Variants in ZBTB44 observed in about 807,000 individuals in gnomAD.
ZBTB44 encodes zinc finger and BTB domain containing 44.
A neutral mutation model predicts 54.0 loss-of-function variants in ZBTB44; 15 were observed. That is an observed-to-expected ratio of 0.28 (90% CI 0.19 to 0.43). The LOEUF (loss-of-function observed/expected upper bound fraction) is 0.43. ZBTB44 is among the 20% of genes least tolerant of loss of function. ZBTB44 has a pLI of 1.00. For synonymous variants in ZBTB44, 230 were observed against 250.1 expected (o/e 0.92, Z 0.76); for missense variants, 487 against 707.1 (o/e 0.69, Z 3.53).
intron 1 of ZBTB44, among the ~76,000 whole-genome samples, chr11:130,263,023 T>C (rs1938992225): frequency 6.6e-6 from 1 of 152,236 alleles, no homozygotes; most frequent in Non-Finnish European, 1.5e-5. Context: ...ACTGCACCAC[T>C]GCACTCCACC....
At chr11:130,313,433 G>C (rs537332209) in intron 1 of ZBTB44, among the ~76,000 whole-genome samples, 2 of 152,268 alleles carry the variant, frequency 1.3e-5, no homozygotes, top group East Asian at 3.9e-4. Flanking sequence ...TCTATGATAA[G>C]GGGAAACTAC....
chr11:130,276,002 G>A (rs58500161), intron 1 of ZBTB44, among the ~76,000 whole-genome samples: 42 of 151,298 alleles, frequency 2.8e-4, no homozygotes, highest in African/African-American at 9.6e-4. Flanking sequence ...CAAAGCGGGT[G>A]ATCACCTGAG....
Position 130,238,367 on chromosome 11 carries a change from T to A in ZBTB44, c.1267+77A>T, listed in dbSNP as rs1235720664. 3 of 1,412,344 alleles carry A rather than the reference T, an allele frequency of 2.1e-6. No homozygotes were observed. In the African/African-American group the frequency reaches 4.4e-5, roughly 21 times the overall value. 87.5% of individuals were successfully genotyped at this position (1,412,344 alleles called of 1,614,324 possible). A position where few individuals can be genotyped will look rare whatever the true frequency, so the allele number is the denominator to read the frequency against. ...TTTTTTAAAACTCAGAAGCCCCTGT[T>A]TTCTATTTTAACTGGGACTGCAAAA... On this transcript the variant is annotated intron_variant, in intron 4 of 7. Coordinates refer to ENST00000357899, the MANE Select transcript of ZBTB44 (RefSeq NM_001301098.2).
intron 2 of ZBTB44, among the ~76,000 whole-genome samples, chr11:130,257,946 T>C (rs186857357): frequency 6.6e-6 from 1 of 152,324 alleles, no homozygotes; most frequent in East Asian, 1.9e-4. Flanking sequence ...TCTTTTCTAC[T>C]GCTTTTGAAA....
intron 2 of ZBTB44, among the ~76,000 whole-genome samples, chr11:130,254,507 A>G (rs1938282096): frequency 6.6e-6 from 1 of 152,236 alleles, no homozygotes; most frequent in South Asian, 2.1e-4. Context: ...GAGAAATGCA[A>G]ATCAAAACCA....
At chr11:130,239,745 A>C (rs940852366) in intron 3 of ZBTB44, 67 bp downstream of exon 3, 9 of 1,300,250 alleles carry the variant, frequency 6.9e-6, no homozygotes, top group Non-Finnish European at 9.8e-6. Flanking sequence ...TCTTGAGATG[A>C]AATGCTTGAA....
At chr11:130,297,111 T>G (rs1207155676) in intron 1 of ZBTB44, among the ~76,000 whole-genome samples, 2 of 152,208 alleles carry the variant, frequency 1.3e-5, no homozygotes, top group African/African-American at 4.8e-5. Context: ...TTTTTCCCCT[T>G]GATTTAATAA....
At chr11:130,237,491 C>T (rs1954156004) in intron 4 of ZBTB44, among the ~76,000 whole-genome samples, 1 of 152,102 alleles carries the variant, frequency 6.6e-6, no homozygotes, top group Non-Finnish European at 1.5e-5. Flanking sequence ...ATCATCAGTA[C>T]CTACTCTCTG....
At position 130,234,167 on chromosome 11, in the gene ZBTB44, C is replaced by T. The variant is rs376056190; in HGVS notation, c.1675G>A (p.Val559Ile). 4.5e-6 allele frequency: 7 copies of T among 1,544,318 alleles called. No individual in the cohort carries two copies. In the African/African-American group the frequency reaches 5.5e-5, roughly 12 times the overall value. ...TGGGTTGAGGAGACCTGTGAAATGA[C>T]AGGCATTTGAACAGAGGAGTTGCTT... Reference protein sequence around the residue: ...FESNSSVQMPVISQYHSKGKE... With the variant: ...FESNSSVQMPIISQYHSKGKE... The change falls in exon 6 of 8, where the codon GTC becomes ATC. Residue 559 changes from valine (V) to isoleucine (I), a missense_variant. Physicochemically the swap from Val to Ile is conservative, Grantham distance 29. Coordinates refer to ENST00000357899, the MANE Select transcript of ZBTB44 (RefSeq NM_001301098.2).
chr11:130,233,092 A>C (rs905242335), intron 7 of ZBTB44: 4 of 459,094 alleles, frequency 8.7e-6, no homozygotes, highest in Non-Finnish European at 1.1e-5. Flanking sequence ...ATCCCCAACA[A>C]CACATAAACC....
intron 1 of ZBTB44, among the ~76,000 whole-genome samples, chr11:130,300,018 A>C (rs575781629): frequency 3.3e-5 from 5 of 152,376 alleles, no homozygotes; most frequent in African/African-American, 1.2e-4. Context: ...CAACACAAAC[A>C]AACCTTGAAG....
intron 4 of ZBTB44, among the ~76,000 whole-genome samples, chr11:130,238,107 G>T (rs1954191386): frequency 6.6e-6 from 1 of 152,136 alleles, no homozygotes; most frequent in Non-Finnish European, 1.5e-5. Flanking sequence ...ACAGCACAAA[G>T]AACACCCATA....
intron 1 of ZBTB44, among the ~76,000 whole-genome samples, chr11:130,277,558 GATTT>G (rs1940195207): frequency 2.0e-5 from 3 of 151,864 alleles, no homozygotes; most frequent in South Asian, 4.1e-4. Flanking sequence ...ATATATTACA[GATTT>G]ATTACATTTC....
chr11:130,246,852 A>C lies in ZBTB44; in HGVS notation c.1019-6956T>G, dbSNP rs57457868. 4.0e-3 allele frequency among the ~76,000 whole-genome samples: 609 copies of C among 152,256 alleles called. 7 individuals carry two copies. Among genetic ancestry groups the C allele is most frequent in the African/African-American group, 0.014 (561 of 41,536 alleles). On this transcript the variant is annotated intron_variant, in intron 2 of 7. Coordinates refer to ENST00000357899, the MANE Select transcript of ZBTB44 (RefSeq NM_001301098.2). ...CAGTCTCACAAAACAACATAAAATC[A>C]AGTCACTCTGTGACCCTTATTTAAA...
Position 130,239,798 on chromosome 11 carries a change from A to G in ZBTB44, c.1103+14T>C, listed in dbSNP as rs1954275089. 2 of 1,606,970 alleles carry G rather than the reference A, an allele frequency of 1.2e-6. No individual in the cohort carries two copies. Among genetic ancestry groups the G allele is most frequent in the South Asian group, 2.2e-5 (2 of 90,324 alleles). On this transcript the variant is annotated intron_variant, in intron 3 of 7. Transcript: ENST00000357899. ...AACCCTTAAGAGGTAACGAAATGCT[A>G]TGTTAGTACTGACCGATCATCATCA... is the stretch of plus-strand genomic sequence containing the variant.
intron 1 of ZBTB44, among the ~76,000 whole-genome samples, chr11:130,311,204 A>G (rs1262485192): frequency 5.9e-5 from 9 of 152,078 alleles, no homozygotes; most frequent in East Asian, 1.9e-4. Flanking sequence ...GAGAAAGCAA[A>G]TAAGTTTATT....
intron 1 of ZBTB44, among the ~76,000 whole-genome samples, chr11:130,280,024 A>G (rs558036654): frequency 6.6e-6 from 1 of 152,288 alleles, no homozygotes; most frequent in African/African-American, 2.4e-5. Flanking sequence ...AAAGGGGGAC[A>G]GCAACCTGAA....
chr11:130,283,035 C>G (rs1341229932), intron 1 of ZBTB44, among the ~76,000 whole-genome samples: 1 of 102,384 alleles, frequency 9.8e-6, no homozygotes, highest in Non-Finnish European at 1.9e-5. Context: ...CCATTCTAAC[C>G]TTTTTTTTTT....
intron 1 of ZBTB44, among the ~76,000 whole-genome samples, chr11:130,299,677 G>A (rs900847835): frequency 3.3e-5 from 5 of 151,470 alleles, no homozygotes; most frequent in Admixed American, 2.6e-4. Flanking sequence ...GCAAGGATGT[G>A]GAGAAATTAA....
Sources: gnomAD v4.1 joint callset for allele counts (sites outside exome capture counted in the v4.1 genomes callset) on GRCh38, gnomAD v4.1.1 for gene constraint, MANE v1.5 for transcripts, NCBI Gene and HGNC (gene_info 2026-07-23, HGNC 2026-07-21) for gene names.